The following HUWE1 variants were observed in gnomAD, a reference collection of about 807,000 sequenced individuals.
The protein encoded by HUWE1 is E3 ubiquitin-protein ligase HUWE1.
A neutral mutation model predicts 299.4 loss-of-function variants in HUWE1; 18 were observed. The observed-to-expected ratio is 0.06, with a 90% CI of 0.04 to 0.09. The LOEUF (loss-of-function observed/expected upper bound fraction) is 0.09. Among genes scored for constraint, HUWE1 ranks in the 10% least tolerant of loss-of-function variants. The pLI, the probability that HUWE1 is intolerant of heterozygous loss-of-function variation, is 1.00. For missense variants in HUWE1, 1,832 were observed against 3,462.3 expected (o/e 0.53, Z 11.82); for synonymous variants, 1,317 against 1,286.1 (o/e 1.02, Z -0.51).
rs1330811111 is a variant in HUWE1, at chrX:53,603,430, G to A, written c.2814C>T (p.Ser938=). The change falls in exon 27 of 84, where the codon AGC becomes AGT. Residue 938 remains serine (S), a synonymous_variant. Transcript: ENST00000262854. ...CCCACACCAGGGAACAGTATAACTG[G>A]CTCAGCTTGCTCAAAACACTCAGAC... ...QLGLSVLSKL[S]QLYCSLVWES... 1.7e-6 allele frequency: 2 copies of A among 1,203,832 alleles called. No homozygotes were observed. The highest frequency in any genetic ancestry group is 2.2e-6 in the Non-Finnish European group (2 of 890,059).
chrX:53,622,518 T>C (rs782723341), intron 19 of HUWE1, among the ~76,000 whole-genome samples: 1 of 111,418 alleles, frequency 9.0e-6, no homozygotes, highest in Non-Finnish European at 1.9e-5. Flanking sequence ...CAAGTTTAGG[T>C]ATTTCCAATT....
chrX:53,567,683 T>G (rs1556947052), intron 49 of HUWE1, among the ~76,000 whole-genome samples: 1 of 112,172 alleles, frequency 8.9e-6, no homozygotes, highest in African/African-American at 3.2e-5. Flanking sequence ...TCAAAGAAAT[T>G]AATTGATCCA....
At chrX:53,631,541 A>G (rs1557022764) in intron 10 of HUWE1, 26 bp downstream of exon 10, 1 of 1,188,145 alleles carries the variant, frequency 8.4e-7, no homozygotes, top group Non-Finnish European at 1.1e-6. Flanking sequence ...TTAAGAAACG[A>G]GCCAAGAGTC....
chrX:53,593,309 T>G (rs1438038784), intron 32 of HUWE1, 55 bp downstream of exon 32: 2 of 858,195 alleles, frequency 2.3e-6, no homozygotes, highest in Admixed American at 4.4e-5. Context: ...CAAAATAGAG[T>G]GGGAACGACT....
intron 3 of HUWE1, among the ~76,000 whole-genome samples, chrX:53,660,041 G>C (rs1557044597): frequency 1.8e-5 from 2 of 111,950 alleles, no homozygotes; most frequent in Non-Finnish European, 1.9e-5. Flanking sequence ...TCAAGTGTCT[G>C]TAACTACAGA....
chrX:53,598,613 A>T (rs1420280487), intron 29 of HUWE1, among the ~76,000 whole-genome samples: 1 of 112,009 alleles, frequency 8.9e-6, no homozygotes, highest in African/African-American at 3.2e-5. Context: ...CTTTAAGAAT[A>T]CAGGATATAA....
At chrX:53,682,316 A>C (rs2070201128) in intron 2 of HUWE1, among the ~76,000 whole-genome samples, 1 of 112,141 alleles carries the variant, frequency 8.9e-6, no homozygotes, top group Non-Finnish European at 1.9e-5. Context: ...CACAAGGTTC[A>C]ATGTGAACCC....
At chrX:53,603,323 C>A in intron 27 of HUWE1, 45 bp downstream of exon 27, 1 of 1,184,621 alleles carries the variant, frequency 8.4e-7, no homozygotes. Flanking sequence ...CCAGGCTCAC[C>A]GAACTTAGAT....
intron 47 of HUWE1, among the ~76,000 whole-genome samples, chrX:53,572,932 C>T (rs1426208044): frequency 9.0e-6 from 1 of 110,969 alleles, no homozygotes; most frequent in Non-Finnish European, 1.9e-5. Flanking sequence ...TTGTTAGATG[C>T]CAACCCATAA....
Position 53,533,123 on chromosome X carries a change from G to A in HUWE1, c.*186C>T, listed in dbSNP as rs1244572167. On this transcript the variant is annotated 3_prime_UTR_variant, in exon 84 of 84. Transcript: ENST00000262854. ...GGGAGAGAAGGTGAGGAAACAGGCGGCGGGGAGAGAATGAGAAGAGGAACA... is the reference window on the plus strand; with the variant it reads ...GGGAGAGAAGGTGAGGAAACAGGCGACGGGGAGAGAATGAGAAGAGGAACA... 1.8e-5 allele frequency: 8 copies of A among 444,214 alleles called. No individual in the cohort carries two copies. The highest frequency in any genetic ancestry group is 2.8e-5 in the Non-Finnish European group (7 of 249,000). 36.6% of individuals were successfully genotyped at this position (444,214 alleles called of 1,213,427 possible). A position where few individuals can be genotyped will look rare whatever the true frequency, so the allele number is the denominator to read the frequency against.
At position 53,547,739 on chromosome X, in the gene HUWE1, A is replaced by T; in HGVS notation, c.10570T>A (p.Ser3524Thr). The change falls in exon 68 of 84, where the codon TCC becomes ACC. Residue 3524 changes from serine (S) to threonine (T), a missense_variant. Ser to Thr is a moderately conservative substitution (Grantham distance 58). Transcript: ENST00000262854. ...APALVAATAI[S>T]TIVVAASTTV... ...GTCGAAGCAGCTACGACAATGGTGG[A>T]AATAGCCGTGGCAGCAACCAGGGCT... 1 of 1,205,881 alleles carries T rather than the reference A, an allele frequency of 8.3e-7. No homozygotes were observed. The highest frequency in any genetic ancestry group is 1.8e-5 in the South Asian group (1 of 56,094).
At chrX:53,539,586 A>G in intron 75 of HUWE1, 71 bp downstream of exon 75, 1 of 1,096,522 alleles carries the variant, frequency 9.1e-7, no homozygotes, top group South Asian at 1.8e-5. Context: ...GAAGGAAGAA[A>G]AACAAGCTGG....
chrX:53,645,300 C>T lies in HUWE1; in HGVS notation c.504+11G>A. ...TTTTTGCACCCCTCCAACTCTTCAC[C>T]CAAGACTCACCTCTGCCAAATGTTG... On this transcript the variant is annotated intron_variant, in intron 7 of 83. Transcript: ENST00000262854. 1 of 1,210,681 alleles carries T rather than the reference C, an allele frequency of 8.3e-7. No individual in the cohort carries two copies. The highest frequency in any genetic ancestry group is 1.1e-6 in the Non-Finnish European group (1 of 895,006).
intron 13 of HUWE1, 30 bp downstream of exon 13, chrX:53,629,486 T>G (rs2066731565): frequency 1.0e-6 from 1 of 976,631 alleles, no homozygotes; most frequent in Admixed American, 2.2e-5. Flanking sequence ...GTGTTACAGC[T>G]AAGGGTTACT....
At position 53,607,719 on chromosome X, in the gene HUWE1, T is replaced by A. The variant is rs1556998070; in HGVS notation, c.2320-20A>T. The A allele has an allele frequency of 8.1e-6, 9 of 1,113,531 alleles. No homozygotes were observed. The highest frequency in any genetic ancestry group is 9.8e-6 in the Non-Finnish European group (8 of 813,775). 91.8% of individuals were successfully genotyped at this position (1,113,531 alleles called of 1,213,427 possible). The stretch of plus-strand genomic sequence containing the variant: ...TTTCATCTAGGTAATAAAAATTTTT[T>A]AAAGAAGTTAGAGCCTGACAGGTGG... On this transcript the variant is annotated intron_variant, in intron 24 of 83. Coordinates refer to ENST00000262854, the MANE Select transcript of HUWE1 (RefSeq NM_031407.7).
In HUWE1 at chrX:53,625,817, A is replaced by G. The variant is rs782283062; in HGVS notation, c.1490-559T>C. 338 of 124,353 alleles carry G rather than the reference A, an allele frequency of 2.7e-3. 3 individuals carry two copies. Among genetic ancestry groups the G allele is most frequent in the South Asian group, 9.6e-3 (33 of 3,421 alleles). The allele number at this position is 124,353 out of a possible 1,213,427, so 10.2% of individuals were successfully genotyped here. ...GGGGGCCAGGGCCAGGGCCGGGGCC[A>G]GGGCCGGGACCAGGACCGGGGCCGG... On this transcript the variant is annotated intron_variant, in intron 17 of 83. Coordinates refer to ENST00000262854, the MANE Select transcript of HUWE1 (RefSeq NM_031407.7).
intron 44 of HUWE1, among the ~76,000 whole-genome samples, chrX:53,576,573 G>T (rs1213237588): frequency 9.0e-6 from 1 of 111,665 alleles, no homozygotes; most frequent in South Asian, 3.8e-4. Context: ...TTCTTCCCCC[G>T]TATGGTGTGT....
chrX:53,673,928 T>C (rs1226968113), intron 3 of HUWE1, among the ~76,000 whole-genome samples: 1 of 111,346 alleles, frequency 9.0e-6, no homozygotes, highest in African/African-American at 3.3e-5. Context: ...CATGGTTTTT[T>C]TTAAAACATA....
Position 53,593,428 on chromosome X carries a change from A to C in HUWE1, c.3677T>G (p.Leu1226Trp). The C allele has an allele frequency of 8.3e-7, 1 of 1,211,605 alleles. No homozygotes were observed. The highest frequency in any genetic ancestry group is 1.8e-5 in the South Asian group (1 of 56,989). The change falls in exon 32 of 84, where the codon TTG becomes TGG. Residue 1226 changes from leucine to tryptophan, a missense_variant. This residue lies in a region of HUWE1 where 658 missense variants were observed against 1,282.6 expected (regional missense o/e 0.51). Coordinates refer to ENST00000262854, the MANE Select transcript of HUWE1 (RefSeq NM_031407.7). ...GGGAAAGTTCTGGACACCTCCAGGCAATTTGGCAGGCAGCGAATGTGGAGA... is the reference window on the plus strand; with the variant it reads ...GGGAAAGTTCTGGACACCTCCAGGCCATTTGGCAGGCAGCGAATGTGGAGA... ...LESPHSLPAK[L>W]PGGVQNFPQF...
Sources: gnomAD v4.1 joint callset for allele counts (sites outside exome capture counted in the v4.1 genomes callset) on GRCh38, gnomAD v4.1.1 for gene constraint, gnomAD v4.1.1 regional missense constraint, MANE v1.5 for transcripts, NCBI Gene and HGNC (gene_info 2026-07-23, HGNC 2026-07-21) for gene names.